Variants in BCR observed in about 807,000 individuals in gnomAD.
BCR encodes the protein BCR activator of RhoGEF and GTPase.
In BCR, 58 loss-of-function variants were observed where a neutral mutation model predicts 138.6. The ratio of observed to expected loss-of-function variants is 0.42; its 90% confidence interval spans 0.34 to 0.52. The LOEUF (loss-of-function observed/expected upper bound fraction) is 0.52. BCR is among the 20% of genes least tolerant of loss of function. The pLI, the probability that BCR is intolerant of heterozygous loss-of-function variation, is 0.06. For missense variants in BCR, 1,599 were observed against 1,727.2 expected (o/e 0.93, Z 1.32); for synonymous variants, 786 against 730.1 (o/e 1.08, Z -1.23).
intron 11 of BCR, 128 bp downstream of exon 11, chr22:23,287,406 C>G (rs2146303490): frequency 2.2e-6 from 3 of 1,367,820 alleles, no homozygotes; most frequent in South Asian, 3.0e-5. Flanking sequence ...ATGGTGCATG[C>G]AAGCACGCAC....
rs2073349588 is a variant in BCR, at chr22:23,260,918, T to A, written c.1462-32T>A. 2.5e-6 allele frequency: 4 copies of A among 1,602,544 alleles called. No individual in the cohort carries two copies. In the South Asian group the frequency reaches 3.3e-5, roughly 13 times the overall value. On this transcript the variant is annotated intron_variant, in intron 2 of 22. Transcript: ENST00000305877. ...GATGGAAGAATCCCCCTACCACCCTTCCAGGCTGACTTCTGTCTATTTCTC... is the reference window on the plus strand; with the variant it reads ...GATGGAAGAATCCCCCTACCACCCTACCAGGCTGACTTCTGTCTATTTCTC...
At chr22:23,201,025 G>A (rs2072547548) in intron 1 of BCR, among the ~76,000 whole-genome samples, 1 of 152,262 alleles carries the variant, frequency 6.6e-6, no homozygotes, top group South Asian at 2.1e-4. Context: ...TAGTCTCCTA[G>A]TGCTTGGTGC....
chr22:23,317,741 A>C lies in BCR; in HGVS notation c.*2219A>C, dbSNP rs1568990892. On this transcript the variant is annotated 3_prime_UTR_variant, in exon 23 of 23. Coordinates refer to ENST00000305877, the MANE Select transcript of BCR (RefSeq NM_004327.4). ...CTACGTCTTACCCACCTCCTGCCTC[A>C]ACAGCCTGTGTGGTGGCAAAGCCGG... 1 of 102,896 alleles carries C rather than the reference A, an allele frequency of 9.7e-6. No individual in the cohort carries two copies. Among genetic ancestry groups the C allele is most frequent in the Non-Finnish European group, 1.7e-5 (1 of 57,330 alleles). The allele number at this position is 102,896 out of a possible 1,614,324, so 6.4% of individuals were successfully genotyped here. A position where few individuals can be genotyped will look rare whatever the true frequency, so the allele number is the denominator to read the frequency against.
chr22:23,228,257 G>A (rs2072915877), intron 1 of BCR, among the ~76,000 whole-genome samples: 1 of 152,156 alleles, frequency 6.6e-6, no homozygotes, highest in African/African-American at 2.4e-5. Context: ...TGCTTTAGCT[G>A]CATCCTACAA....
intron 1 of BCR, among the ~76,000 whole-genome samples, chr22:23,203,770 C>G (rs894384036): frequency 4.6e-5 from 7 of 152,218 alleles, no homozygotes; most frequent in Non-Finnish European, 8.8e-5. Context: ...GTAACTGAAT[C>G]TGAAAAGCAT....
chr22:23,226,855 A>G (rs1156752002), intron 1 of BCR, among the ~76,000 whole-genome samples: 1 of 152,208 alleles, frequency 6.6e-6, no homozygotes, highest in Non-Finnish European at 1.5e-5. Flanking sequence ...TAGGTTCAAT[A>G]TGAATGAACA....
chr22:23,234,950 G>A lies in BCR; in HGVS notation c.1280-18849G>A, dbSNP rs1423800993. Among the ~76,000 whole-genome samples, 4 of 143,672 alleles carry A rather than the reference G, an allele frequency of 2.8e-5. 2 individuals carry two copies. 94.3% of individuals were successfully genotyped at this position (143,672 alleles called of 152,430 possible). A position where few individuals can be genotyped will look rare whatever the true frequency, so the allele number is the denominator to read the frequency against. ...ACAGAGCCCTACCATGCTTAGAGGA[G>A]TCAGGCTCCTCCCCCGACTCTGTGG... is the stretch of plus-strand genomic sequence containing the variant. On this transcript the variant is annotated intron_variant, in intron 1 of 22. Transcript: ENST00000305877.
At chr22:23,223,955 G>A (rs1428589503) in intron 1 of BCR, among the ~76,000 whole-genome samples, 1 of 152,152 alleles carries the variant, frequency 6.6e-6, no homozygotes, top group Non-Finnish European at 1.5e-5. Flanking sequence ...AGGCCCTGAT[G>A]CCCAGGACCC....
At chr22:23,259,288 C>G (rs2073330993) in intron 2 of BCR, among the ~76,000 whole-genome samples, 1 of 152,146 alleles carries the variant, frequency 6.6e-6, no homozygotes, top group Non-Finnish European at 1.5e-5. Flanking sequence ...CTTCTCGGGC[C>G]CCTCTCCTGG....
chr22:23,308,045 A>C (rs992764923), intron 16 of BCR, among the ~76,000 whole-genome samples: 1 of 145,662 alleles, frequency 6.9e-6, no homozygotes, highest in Non-Finnish European at 1.5e-5. Flanking sequence ...GTATATGTGC[A>C]CGCATGTGAA....
At chr22:23,258,003 G>A (rs1050450638) in intron 2 of BCR, among the ~76,000 whole-genome samples, 3 of 152,112 alleles carry the variant, frequency 2.0e-5, no homozygotes, top group Admixed American at 2.0e-4. Flanking sequence ...GCACAGCCGT[G>A]GCCTGGAGGC....
At chr22:23,311,557 G>A (rs959285404) in intron 18 of BCR, 140 bp from the exon 19 acceptor site, 4 of 622,208 alleles carry the variant, frequency 6.4e-6, no homozygotes, top group African/African-American at 3.6e-5. Flanking sequence ...CATGCAGAAG[G>A]CTCTGTGTGC....
chr22:23,221,690 A>G (rs1158866423), intron 1 of BCR, among the ~76,000 whole-genome samples: 2 of 152,194 alleles, frequency 1.3e-5, no homozygotes, highest in Non-Finnish European at 2.9e-5. Flanking sequence ...TCCTCAATCA[A>G]TGGCAAGAGT....
chr22:23,258,888 A>G (rs371210282), intron 2 of BCR, among the ~76,000 whole-genome samples: 4 of 152,332 alleles, frequency 2.6e-5, no homozygotes, highest in East Asian at 3.9e-4. Flanking sequence ...GAGCCCAGCA[A>G]CCAGTGGAGA....
chr22:23,268,878 G>A (rs532257070), intron 5 of BCR, among the ~76,000 whole-genome samples: 3 of 152,338 alleles, frequency 2.0e-5, no homozygotes, highest in East Asian at 1.9e-4. Context: ...AGGCGAGGCC[G>A]GAGGTGGCCC....
rs1438671442 is a variant in BCR at position 23,181,884 on chromosome 22, C to T, written c.924C>T (p.Arg308=). The T allele has an allele frequency of 8.7e-6, 14 of 1,613,252 alleles. No homozygotes were observed. Among genetic ancestry groups the T allele is most frequent in the Non-Finnish European group, 1.0e-5 (12 of 1,179,956 alleles). Residue 308 remains arginine, a synonymous_variant, in exon 1 of 23, where the codon CGC becomes CGT. Coordinates refer to ENST00000305877, the MANE Select transcript of BCR (RefSeq NM_004327.4). ...AGAGCACCTCTGAGCAGGAGAAGCG[C>T]CTTACCTGGCCCCGCAGGTCCTACT... ...RSQSTSEQEK[R]LTWPRRSYSP...
intron 4 of BCR, chr22:23,262,770 G>A: frequency 1.1e-6 from 1 of 944,300 alleles, no homozygotes; most frequent in East Asian, 1.1e-4. Flanking sequence ...AGGGTGACGA[G>A]GGGGAAGCGA....
At chr22:23,250,738 T>A (rs1458515231) in intron 1 of BCR, among the ~76,000 whole-genome samples, 2 of 152,234 alleles carry the variant, frequency 1.3e-5, no homozygotes, top group Middle Eastern at 3.4e-3. Context: ...ACATGCATGA[T>A]TTTAAAAAAG....
intron 1 of BCR, 46 bp from the exon 2 acceptor site, chr22:23,253,753 G>GCTCC (rs770360146): frequency 6.4e-7 from 1 of 1,568,834 alleles, no homozygotes; most frequent in East Asian, 2.3e-5. Flanking sequence ...GAGTATGGAT[G>GCTCC]CTCCCTTCTC....
Sources: allele counts gnomAD v4.1 joint callset (sites outside exome capture counted in the v4.1 genomes callset), GRCh38; gene constraint gnomAD v4.1.1; transcripts MANE v1.5; gene names NCBI Gene and HGNC (gene_info 2026-07-23, HGNC 2026-07-21).